PSMD1: variants seen among roughly 807,000 people sequenced by gnomAD.
The protein encoded by PSMD1 is proteasome 26S subunit, non-ATPase 1.
PSMD1 carries 18 observed loss-of-function variants against 119.0 expected under a neutral mutation model. That is an observed-to-expected ratio of 0.15 (90% CI 0.10 to 0.22). The LOEUF (loss-of-function observed/expected upper bound fraction) is 0.22, where lower values mean the gene tolerates loss of function less well. Ranked by LOEUF, PSMD1 falls within the 10% of genes least tolerant of loss-of-function variation. The pLI is 1.00. For synonymous variants in PSMD1, 374 were observed against 396.6 expected, an observed-to-expected ratio of 0.94 and a Z score of 0.68; for missense variants, 702 against 1,158.5, an observed-to-expected ratio of 0.61 and a Z score of 5.72.
intron 16 of PSMD1, among the ~76,000 whole-genome samples, chr2:231,117,246 T>C (rs1559237678): frequency 1.3e-5 from 2 of 152,106 alleles, no homozygotes; most frequent in Non-Finnish European, 2.9e-5. Context: ...AATTTCTAAT[T>C]ACATTATTTG....
intron 16 of PSMD1, among the ~76,000 whole-genome samples, chr2:231,097,008 A>G (rs1694744508): frequency 6.6e-6 from 1 of 152,350 alleles, no homozygotes; most frequent in Non-Finnish European, 1.5e-5. Context: ...ACATACTGAC[A>G]TATTCTTTGA....
At chr2:231,137,807 G>A (rs1186601783) in intron 16 of PSMD1, among the ~76,000 whole-genome samples, 2 of 152,062 alleles carry the variant, frequency 1.3e-5, no homozygotes, top group Non-Finnish European at 2.9e-5. Context: ...TTCTGTTCCT[G>A]CCTTAATTCA....
chr2:231,090,758 T>A (rs1456243450), intron 16 of PSMD1, among the ~76,000 whole-genome samples: 1 of 152,112 alleles, frequency 6.6e-6, no homozygotes, highest in African/African-American at 2.4e-5. Context: ...CCCTCATGGA[T>A]AACTTTGAGG....
chr2:231,166,989 C>G (rs1390662541), intron 23 of PSMD1, among the ~76,000 whole-genome samples: 13 of 152,204 alleles, frequency 8.5e-5, no homozygotes, highest in Admixed American at 8.5e-4. Flanking sequence ...GTCATTTAAT[C>G]TTTGTATTTC....
intron 16 of PSMD1, among the ~76,000 whole-genome samples, chr2:231,098,906 T>C (rs532256823): frequency 6.6e-6 from 1 of 152,206 alleles, no homozygotes; most frequent in Admixed American, 6.5e-5. Flanking sequence ...GGAAAGAAAG[T>C]CGGGGCTGAT....
At chr2:231,095,780 G>A (rs1248223163) in intron 16 of PSMD1, among the ~76,000 whole-genome samples, 1 of 152,208 alleles carries the variant, frequency 6.6e-6, no homozygotes, top group African/African-American at 2.4e-5. Context: ...GGGAGGCCCT[G>A]TTGAGGCCCC....
chr2:231,070,844 G>C (rs1413137296), intron 6 of PSMD1, among the ~76,000 whole-genome samples: 1 of 151,898 alleles, frequency 6.6e-6, no homozygotes, highest in Non-Finnish European at 1.5e-5. Flanking sequence ...TACATTTTTT[G>C]TATTCTGCTC....
intron 5 of PSMD1, 35 bp from the exon 6 acceptor site, chr2:231,069,990 C>A (rs1694002789): frequency 2.3e-6 from 3 of 1,323,312 alleles, no homozygotes; most frequent in Non-Finnish European, 3.0e-6. Flanking sequence ...CTGCAATAAC[C>A]AGATAACGTT....
chr2:231,089,960 A>G (rs772268408), intron 16 of PSMD1, among the ~76,000 whole-genome samples: 18 of 152,278 alleles, frequency 1.2e-4, no homozygotes, highest in Middle Eastern at 3.4e-3. Flanking sequence ...TCATCCTTCA[A>G]TCCAGTCAAG....
chr2:231,098,420 T>G (rs1694776608), intron 16 of PSMD1, among the ~76,000 whole-genome samples: 1 of 152,178 alleles, frequency 6.6e-6, no homozygotes, highest in Non-Finnish European at 1.5e-5. Context: ...TCTCTGTCTC[T>G]GACTCCCTCT....
At chr2:231,112,358 C>CT (rs1695182476) in intron 16 of PSMD1, among the ~76,000 whole-genome samples, 1 of 152,220 alleles carries the variant, frequency 6.6e-6, no homozygotes, top group African/African-American at 2.4e-5. Flanking sequence ...CTCATCTAGC[C>CT]TTTTCTCACT....
chr2:231,078,217 G>A (rs1258398628), intron 9 of PSMD1, among the ~76,000 whole-genome samples: 2 of 152,008 alleles, frequency 1.3e-5, no homozygotes, highest in East Asian at 1.9e-4. Context: ...GCAGTGAGCC[G>A]AGATCGTACC....
At chr2:231,057,959 C>G (rs1693651219) in intron 1 of PSMD1, among the ~76,000 whole-genome samples, 1 of 152,182 alleles carries the variant, frequency 6.6e-6, no homozygotes, top group Admixed American at 6.5e-5. Context: ...TGTAAACAAA[C>G]TGGTGAGCAG....
chr2:231,107,808 T>C (rs898693760), intron 16 of PSMD1, among the ~76,000 whole-genome samples: 3 of 152,216 alleles, frequency 2.0e-5, no homozygotes, highest in African/African-American at 4.8e-5. Context: ...AGAAACCTAA[T>C]GTGGTTCAGG....
intron 20 of PSMD1, among the ~76,000 whole-genome samples, chr2:231,162,071 T>G (rs1220727524): frequency 6.6e-6 from 1 of 152,226 alleles, no homozygotes; most frequent in Non-Finnish European, 1.5e-5. Flanking sequence ...CAAGACCAAC[T>G]GTGAGGAGCT....
chr2:231,075,154 G>A (rs558153373), intron 7 of PSMD1, among the ~76,000 whole-genome samples: 71 of 152,276 alleles, frequency 4.7e-4, no homozygotes, highest in South Asian at 3.1e-3. Flanking sequence ...TGGCTGATTA[G>A]ATTTAAGAGT....
intron 7 of PSMD1, 123 bp from the exon 8 acceptor site, chr2:231,075,388 A>G: frequency 2.6e-6 from 2 of 765,774 alleles, no homozygotes; most frequent in Non-Finnish European, 4.1e-6. Flanking sequence ...TTTATTTCTT[A>G]ATGGTAATAC....
intron 16 of PSMD1, among the ~76,000 whole-genome samples, chr2:231,089,078 G>A (rs979989359): frequency 2.0e-5 from 3 of 152,188 alleles, no homozygotes; most frequent in Admixed American, 6.5e-5. Flanking sequence ...AGAGCAAGAC[G>A]TTAACTCTTC....
intron 17 of PSMD1, among the ~76,000 whole-genome samples, chr2:231,143,680 T>A (rs1015386365): frequency 6.6e-6 from 1 of 152,234 alleles, no homozygotes; most frequent in South Asian, 2.1e-4. Context: ...CCTAGAACTT[T>A]TGTTATGATA....
Sources: allele counts gnomAD v4.1 joint callset (sites outside exome capture counted in the v4.1 genomes callset), GRCh38; gene constraint gnomAD v4.1.1; transcripts MANE v1.5; gene names NCBI Gene and HGNC (gene_info 2026-07-23, HGNC 2026-07-21).